ADGRG6: variants seen among roughly 807,000 people sequenced by gnomAD.
ADGRG6 encodes the protein G-protein coupled receptor 126.
A neutral mutation model predicts 142.4 loss-of-function variants in ADGRG6; 84 were observed. The ratio of observed to expected loss-of-function variants is 0.59; its 90% CI spans 0.49 to 0.71. The LOEUF (loss-of-function observed/expected upper bound fraction) is 0.71. Among genes scored for constraint, ADGRG6 ranks in the 30% least tolerant of loss-of-function variants. The pLI is 0.00. For missense variants in ADGRG6, 1,367 were observed against 1,466.6 expected, an observed-to-expected ratio of 0.93 and a Z score of 1.11; for synonymous variants, 521 against 520.5, an observed-to-expected ratio of 1.00 and a Z score of -0.01.
chr6:142,392,933 C>T lies in ADGRG6; in HGVS notation c.1309-15C>T, dbSNP rs1346558362. 3 of 1,578,074 alleles carry T rather than the reference C, an allele frequency of 1.9e-6. No homozygotes were observed. The highest frequency in any genetic ancestry group is 1.7e-4 in the Middle Eastern group (1 of 5,996). The stretch of plus-strand genomic sequence containing the variant: ...GGTATTAGCAAAACTCAGCCTTTTC[C>T]ATTGTGTTTTCCAGCTCAATTCAAC... On this transcript the variant is annotated splice_polypyrimidine_tract_variant and intron_variant, in intron 7 of 24. Coordinates refer to ENST00000367609, the MANE Select transcript of ADGRG6 (RefSeq NM_198569.3).
chr6:142,377,361 C>T (rs1781551416), intron 4 of ADGRG6, among the ~76,000 whole-genome samples: 1 of 152,218 alleles, frequency 6.6e-6, no homozygotes, highest in South Asian at 2.1e-4. Flanking sequence ...GCAGCCTCCT[C>T]CCCTGCATAA....
chr6:142,433,857 A>G (rs1582688307), intron 22 of ADGRG6, among the ~76,000 whole-genome samples: 1 of 152,180 alleles, frequency 6.6e-6, no homozygotes, highest in African/African-American at 2.4e-5. Flanking sequence ...GGAGTTCTAG[A>G]CCAGCTTGGG....
intron 2 of ADGRG6, among the ~76,000 whole-genome samples, chr6:142,322,404 T>TA (rs1013088956): frequency 1.2e-4 from 18 of 149,516 alleles, no homozygotes; most frequent in African/African-American, 2.9e-4. Context: ...CATCTCAAAA[T>TA]AAAAAAAAAA....
At chr6:142,381,143 T>C (rs1781750995) in intron 4 of ADGRG6, among the ~76,000 whole-genome samples, 1 of 152,266 alleles carries the variant, frequency 6.6e-6, no homozygotes, top group Admixed American at 6.5e-5. Context: ...ATGTGCGAGC[T>C]GTGCCTACAC....
intron 6 of ADGRG6, among the ~76,000 whole-genome samples, chr6:142,385,986 A>G (rs1423979200): frequency 2.0e-5 from 3 of 152,148 alleles, no homozygotes; most frequent in Non-Finnish European, 2.9e-5. Context: ...TCTATTATCT[A>G]ATTTGTCCAT....
intron 14 of ADGRG6, 176 bp from the exon 15 acceptor site, chr6:142,405,512 C>G: frequency 1.5e-6 from 1 of 679,464 alleles, no homozygotes; most frequent in Admixed American, 2.1e-5. Flanking sequence ...AGATCTACAG[C>G]TCTGTCTGTA....
At chr6:142,321,933 G>A (rs1778538945) in intron 2 of ADGRG6, among the ~76,000 whole-genome samples, 2 of 151,998 alleles carry the variant, frequency 1.3e-5, no homozygotes. Context: ...AAACTATCAG[G>A]ATTTTACTAT....
At chr6:142,343,879 G>A (rs980780775) in intron 2 of ADGRG6, among the ~76,000 whole-genome samples, 10 of 151,866 alleles carry the variant, frequency 6.6e-5, no homozygotes, top group Non-Finnish European at 1.3e-4. Context: ...CTCCTGGATT[G>A]AAACATTAAG....
chr6:142,360,910 C>T (rs1780678634), intron 2 of ADGRG6, among the ~76,000 whole-genome samples: 2 of 152,140 alleles, frequency 1.3e-5, no homozygotes, highest in South Asian at 2.1e-4. Flanking sequence ...CCTCAGCCTC[C>T]GAAAGTGTTG....
rs1270294308 is a variant in ADGRG6, at chr6:142,445,823, C to G, written c.*2308C>G. ...TGAGAATAGCATCAATTCAGACTCT[C>G]TTTTCATTATGTTTTCTTTTCTTTT... is the stretch of plus-strand genomic sequence containing the variant. On this transcript the variant is annotated 3_prime_UTR_variant, in exon 25 of 25. Transcript: ENST00000367609. 1 of 152,120 alleles carries G rather than the reference C, an allele frequency of 6.6e-6. No homozygotes were observed. Among genetic ancestry groups the G allele is most frequent in the Non-Finnish European group, 1.5e-5 (1 of 68,014 alleles). The allele number at this position is 152,120 out of a possible 1,614,324, so 9.4% of individuals were successfully genotyped here. A position where few individuals can be genotyped will look rare whatever the true frequency, so the allele number is the denominator to read the frequency against.
intron 22 of ADGRG6, among the ~76,000 whole-genome samples, chr6:142,421,976 T>C (rs1776673378): frequency 6.6e-6 from 1 of 152,176 alleles, no homozygotes. Context: ...TAGGATGCTA[T>C]GGAAATTTAC....
chr6:142,328,391 T>C (rs1449206181), intron 2 of ADGRG6, among the ~76,000 whole-genome samples: 1 of 152,100 alleles, frequency 6.6e-6, no homozygotes, highest in African/African-American at 2.4e-5. Flanking sequence ...TTTGTAGAGA[T>C]GGTGTTTCAC....
Position 142,415,654 on chromosome 6 carries a change from C to G in ADGRG6, c.2670-142C>G, listed in dbSNP as rs141396392. 77 of 608,866 alleles carry G rather than the reference C, an allele frequency of 1.3e-4. No individual in the cohort carries two copies. In the East Asian group the frequency reaches 2.1e-3, roughly 16 times the overall value. 37.7% of individuals were successfully genotyped at this position (608,866 alleles called of 1,614,324 possible). On this transcript the variant is annotated intron_variant, in intron 19 of 24. Transcript: ENST00000367609. Reference sequence around the variant, plus strand: ...ATACTCATAAATATCCTTAGCCCCTCCTTTTAGCAGAACCACATCAGAAAG... The same window carrying G: ...ATACTCATAAATATCCTTAGCCCCTGCTTTTAGCAGAACCACATCAGAAAG...
intron 2 of ADGRG6, among the ~76,000 whole-genome samples, chr6:142,320,446 T>C (rs1352974943): frequency 3.3e-5 from 5 of 152,102 alleles, no homozygotes; most frequent in Non-Finnish European, 7.4e-5. Context: ...TCAATAGCAC[T>C]GCTAACTTGA....
chr6:142,399,656 G>A (rs1416534388), intron 10 of ADGRG6, among the ~76,000 whole-genome samples: 2 of 152,028 alleles, frequency 1.3e-5, no homozygotes, highest in African/African-American at 4.8e-5. Flanking sequence ...TGAATCTGTG[G>A]ATAAGCGCTT....
chr6:142,309,585 G>A lies in ADGRG6; in HGVS notation c.44G>A (p.Trp15Ter), dbSNP rs1386676000. Residue 15 changes from tryptophan to a stop codon, truncating the protein, a stop_gained, in exon 2 of 25, where the codon TGG (tryptophan) becomes TAG (stop). Coordinates refer to ENST00000367609, the MANE Select transcript of ADGRG6 (RefSeq NM_198569.3). LOFTEE classifies it high-confidence loss of function. ...SDRMWSCHWKWKPSPLLFLFA... is the reference protein window; with the variant it reads ...SDRMWSCHWK ...CGAATGTGGAGCTGCCATTGGAAAT[G>A]GAAGCCCAGTCCTCTCCTGTTCTTA... 6.2e-7 allele frequency: 1 copy of A among 1,609,622 alleles called. No homozygotes were observed. The highest frequency in any genetic ancestry group is 8.5e-7 in the Non-Finnish European group (1 of 1,177,610).
intron 20 of ADGRG6, among the ~76,000 whole-genome samples, chr6:142,416,946 G>T (rs1776394724): frequency 6.6e-6 from 1 of 152,136 alleles, no homozygotes; most frequent in African/African-American, 2.4e-5. Context: ...CTTAATTAAT[G>T]AAACCACATT....
intron 21 of ADGRG6, among the ~76,000 whole-genome samples, chr6:142,417,892 G>T (rs1185687777): frequency 6.6e-6 from 1 of 152,110 alleles, no homozygotes; most frequent in East Asian, 1.9e-4. Flanking sequence ...GTCCACCATG[G>T]GTACTCAATA....
At chr6:142,341,593 T>TATATACTATATATATATATAATATATA (rs1562324097) in intron 2 of ADGRG6, among the ~76,000 whole-genome samples, 2 of 126,834 alleles carry the variant, frequency 1.6e-5, no homozygotes, top group South Asian at 4.4e-4. Flanking sequence ...TATAATATTA[T>TATATACTATATATATATATAATATATA]ATATTATATA....
Sources: gnomAD v4.1 joint callset for allele counts (sites outside exome capture counted in the v4.1 genomes callset) on GRCh38, gnomAD v4.1.1 for gene constraint, MANE v1.5 for transcripts, NCBI Gene and HGNC (gene_info 2026-07-23, HGNC 2026-07-21) for gene names.